Variants in ITGAV observed in about 807,000 individuals in gnomAD.
ITGAV encodes the protein integrin subunit alpha V.
In ITGAV, 76 loss-of-function variants were observed where a neutral mutation model predicts 143.8. The observed-to-expected ratio is 0.53, with a 90% confidence interval of 0.44 to 0.64. The LOEUF is 0.64. Among genes scored for constraint, ITGAV ranks in the 30% least tolerant of loss-of-function variants. The pLI, the probability that ITGAV is intolerant of heterozygous loss-of-function variation, is 0.00. For synonymous variants in ITGAV, 453 were observed against 446.7 expected (o/e 1.01, Z -0.18); for missense variants, 1,193 against 1,274.7 (o/e 0.94, Z 0.98).
chr2:186,667,880 C>T, intron 24 of ITGAV, 104 bp downstream of exon 24: 1 of 547,968 alleles, frequency 1.8e-6, no homozygotes, highest in Middle Eastern at 3.1e-4. Context: ...TTTATGTAAA[C>T]TCTACATTGG....
chr2:186,590,997 C>T (rs1173523903), intron 1 of ITGAV, among the ~76,000 whole-genome samples: 1 of 152,208 alleles, frequency 6.6e-6, no homozygotes, highest in African/African-American at 2.4e-5. Flanking sequence ...ACTCTTTCCG[C>T]CTCTGTCTGA....
At position 186,652,010 on chromosome 2, in the gene ITGAV, G is replaced by A. The variant is rs200310686; in HGVS notation, c.1426G>A (p.Gly476Ser). 12 of 1,612,324 alleles carry A rather than the reference G, an allele frequency of 7.4e-6. No individual in the cohort carries two copies. The highest frequency in any genetic ancestry group is 1.1e-5 in the South Asian group (1 of 90,968). The change falls in exon 15 of 30, where the codon GGT (glycine) becomes AGT (serine). Residue 476 changes from glycine to serine, a missense_variant. Transcript: ENST00000261023. Reference protein sequence around the residue: ...RARPVITVNAGLEVYPSILNQ... With the variant: ...RARPVITVNASLEVYPSILNQ... The stretch of plus-strand genomic sequence containing the variant: ...CAGACCAGTTATCACTGTAAATGCT[G>A]GTCTTGAAGTGTACCCTAGCATTTT...
Position 186,603,872 on chromosome 2 carries a change from T to C in ITGAV, c.316+1721T>C, listed in dbSNP as rs551513216. Among the ~76,000 whole-genome samples, 3 of 152,020 alleles carry C rather than the reference T, an allele frequency of 2.0e-5. No homozygotes were observed. In the South Asian group the frequency reaches 6.2e-4, roughly 32 times the overall value. On this transcript the variant is annotated intron_variant, in intron 2 of 29. Coordinates refer to ENST00000261023, the MANE Select transcript of ITGAV (RefSeq NM_002210.5). Reference sequence around the variant, plus strand: ...TCTCAGAAGCAATCACTTTTTTTTTTTTTTCTTTTTGAGATAGGGTCTCGC... The same window carrying C: ...TCTCAGAAGCAATCACTTTTTTTTTCTTTTCTTTTTGAGATAGGGTCTCGC...
Position 186,678,899 on chromosome 2 carries a change from A to G in ITGAV, c.*1607A>G, listed in dbSNP as rs754868534. 2.7e-6 allele frequency: 1 copy of G among 376,856 alleles called. No individual in the cohort carries two copies. Among genetic ancestry groups the G allele is most frequent in the South Asian group, 2.1e-5 (1 of 48,396 alleles). 23.3% of individuals were successfully genotyped at this position (376,856 alleles called of 1,614,324 possible). On this transcript the variant is annotated 3_prime_UTR_variant, in exon 30 of 30. Transcript: ENST00000261023. Reference sequence around the variant, plus strand: ...GCCATATCTCATAATTTCATGCACAAGTTGACTGAGCTAATCTTGAGAATA... The same window carrying G: ...GCCATATCTCATAATTTCATGCACAGGTTGACTGAGCTAATCTTGAGAATA...
chr2:186,637,821 A>G (rs1687989293), intron 8 of ITGAV, among the ~76,000 whole-genome samples: 1 of 151,998 alleles, frequency 6.6e-6, no homozygotes, highest in Non-Finnish European at 1.5e-5. Flanking sequence ...TACGGTTATT[A>G]CCCCATCCTC....
At chr2:186,599,290 G>A (rs1366614997) in intron 1 of ITGAV, among the ~76,000 whole-genome samples, 4 of 151,708 alleles carry the variant, frequency 2.6e-5, no homozygotes, top group Non-Finnish European at 5.9e-5. Context: ...TTCTCTTCTT[G>A]ACTCCTAAAT....
intron 1 of ITGAV, among the ~76,000 whole-genome samples, chr2:186,599,906 C>A (rs1344093582): frequency 1.3e-5 from 2 of 152,218 alleles, no homozygotes; most frequent in Non-Finnish European, 2.9e-5. Context: ...TATCTTTCCA[C>A]CCACCCTCTT....
intron 12 of ITGAV, among the ~76,000 whole-genome samples, chr2:186,642,059 A>G (rs3768785): frequency 0.21 from 31,622 of 152,168 alleles, 4,710 homozygotes; most frequent in East Asian, 0.73. Context: ...TAGCTGTCCA[A>G]AATGTTCTAA....
intron 1 of ITGAV, among the ~76,000 whole-genome samples, chr2:186,598,968 G>A (rs1686823826): frequency 6.6e-6 from 1 of 152,144 alleles, no homozygotes; most frequent in Non-Finnish European, 1.5e-5. Context: ...AATTCGTACA[G>A]CCAGCTTTTG....
intron 8 of ITGAV, among the ~76,000 whole-genome samples, 177 bp downstream of exon 8, chr2:186,637,286 A>T (rs1210076260): frequency 6.6e-6 from 1 of 152,014 alleles, no homozygotes; most frequent in Admixed American, 6.6e-5. Context: ...GTTCAAGAAC[A>T]GTCTGGACAA....
In ITGAV at chr2:186,590,337, C is replaced by T; in HGVS notation, c.-2C>T. The T allele has an allele frequency of 6.3e-7, 1 of 1,580,144 alleles. No individual in the cohort carries two copies. Among genetic ancestry groups the T allele is most frequent in the Non-Finnish European group, 8.6e-7 (1 of 1,166,078 alleles). On this transcript the variant is annotated 5_prime_UTR_variant, in exon 1 of 30. Coordinates refer to ENST00000261023, the MANE Select transcript of ITGAV (RefSeq NM_002210.5). The stretch of plus-strand genomic sequence containing the variant: ...GCTTGGCGTCCCGCGCGCACTTCGG[C>T]GATGGCTTTTCCGCCGCGGCGACGG...
chr2:186,646,962 T>TTGC, intron 13 of ITGAV, 85 bp downstream of exon 13: 1 of 912,984 alleles, frequency 1.1e-6, no homozygotes, highest in South Asian at 2.2e-5. Context: ...ATTTATGTTA[T>TTGC]AAATTATTGC....
intron 10 of ITGAV, 40 bp from the exon 11 acceptor site, chr2:186,640,875 G>T (rs1341792408): frequency 3.4e-6 from 5 of 1,480,994 alleles, no homozygotes; most frequent in Non-Finnish European, 4.6e-6. Context: ...TAAACTAATT[G>T]GATGAAATAT....
chr2:186,613,169 C>A (rs62197746), intron 2 of ITGAV, among the ~76,000 whole-genome samples: 1 of 144,890 alleles, frequency 6.9e-6, no homozygotes, highest in Non-Finnish European at 1.5e-5. Flanking sequence ...TTTTTTTAAT[C>A]CCCAGTAAAG....
intron 12 of ITGAV, 43 bp downstream of exon 12, chr2:186,641,631 G>T (rs200002883): frequency 6.5e-7 from 1 of 1,543,902 alleles, no homozygotes. Flanking sequence ...GATTATCTGT[G>T]TCCACCTGGA....
intron 18 of ITGAV, among the ~76,000 whole-genome samples, chr2:186,659,956 A>T (rs746400085): frequency 1.8e-4 from 28 of 152,010 alleles, no homozygotes; most frequent in Non-Finnish European, 4.0e-4. Context: ...ACTTATAACC[A>T]TACTTCTGTG....
chr2:186,631,297 T>C (rs1574478389), intron 5 of ITGAV, among the ~76,000 whole-genome samples: 1 of 152,220 alleles, frequency 6.6e-6, no homozygotes, highest in Non-Finnish European at 1.5e-5. Context: ...ATTATGTGCC[T>C]ATAGGCACTA....
Position 186,656,349 on chromosome 2 carries a change from C to T in ITGAV, c.1667C>T (p.Thr556Ile). The stretch of plus-strand genomic sequence containing the variant: ...TCCCCAAGTCACTCCAAGAACATGA[C>T]TATTTCAAGGGGGGGACTGATGCAG... ...SRSPSHSKNM[T>I]ISRGGLMQCE... The change falls in exon 17 of 30, where the codon ACT becomes ATT. Residue 556 changes from threonine (T) to isoleucine (I), a missense_variant. By Grantham distance (89) the Thr-to-Ile change is moderately conservative. Transcript: ENST00000261023. 1 of 1,562,590 alleles carries T rather than the reference C, an allele frequency of 6.4e-7. No individual in the cohort carries two copies. Among genetic ancestry groups the T allele is most frequent in the Non-Finnish European group, 8.6e-7 (1 of 1,160,392 alleles).
intron 12 of ITGAV, among the ~76,000 whole-genome samples, chr2:186,644,802 G>A (rs1688207569): frequency 6.7e-6 from 1 of 149,470 alleles, no homozygotes. Flanking sequence ...AGCATCCAAT[G>A]GGGGCAGCAT....
Sources: gnomAD v4.1 joint callset for allele counts (sites outside exome capture counted in the v4.1 genomes callset) on GRCh38, gnomAD v4.1.1 for gene constraint, MANE v1.5 for transcripts, NCBI Gene and HGNC (gene_info 2026-07-23, HGNC 2026-07-21) for gene names.